Variants in DCP1A observed in about 807,000 individuals in gnomAD.
DCP1A encodes the protein decapping mRNA 1A.
DCP1A carries 20 observed loss-of-function variants against 58.0 expected under a neutral mutation model. That is an observed-to-expected ratio of 0.34 (90% CI 0.24 to 0.50). The LOEUF (loss-of-function observed/expected upper bound fraction) is 0.50. DCP1A is among the 20% of genes least tolerant of loss of function. DCP1A has a pLI of 0.98. For missense variants in DCP1A, 613 were observed against 712.2 expected (o/e 0.86, Z 1.59); for synonymous variants, 285 against 275.1 (o/e 1.04, Z -0.36).
At chr3:53,289,333 G>A (rs376381275) in intron 8 of DCP1A, among the ~76,000 whole-genome samples, 37 of 151,300 alleles carry the variant, frequency 2.4e-4, no homozygotes, top group African/African-American at 8.5e-4. Flanking sequence ...AATTATGGCC[G>A]GGAGTGGTGG....
rs1222945780 is a variant in DCP1A at position 53,300,456 on chromosome 3, G to T, written c.624+3721C>A. The stretch of plus-strand genomic sequence containing the variant: ...GGGTTCAAGCGATTCTCCTGCCTCA[G>T]CCTCTCAAGTAGCTGGGATTACAGG... On this transcript the variant is annotated intron_variant, in intron 6 of 9. Coordinates refer to ENST00000610213, the MANE Select transcript of DCP1A (RefSeq NM_018403.7). Among the ~76,000 whole-genome samples, 3 of 151,640 alleles carry T rather than the reference G, an allele frequency of 2.0e-5. No homozygotes were observed. In the East Asian group the frequency reaches 5.9e-4, roughly 30 times the overall value.
intron 3 of DCP1A, among the ~76,000 whole-genome samples, chr3:53,323,124 G>A (rs1404559877): frequency 6.6e-6 from 1 of 152,118 alleles, no homozygotes; most frequent in African/African-American, 2.4e-5. Context: ...GCGCCCGGCC[G>A]AGTTTCCCAT....
intron 3 of DCP1A, among the ~76,000 whole-genome samples, chr3:53,327,992 G>A (rs989059243): frequency 5.3e-5 from 8 of 151,674 alleles, no homozygotes; most frequent in African/African-American, 1.2e-4. Context: ...GCATGGTGGC[G>A]TGTGCCTGTA....
chr3:53,284,302 T>C lies in DCP1A; in HGVS notation c.*3278A>G, dbSNP rs533067821. On this transcript the variant is annotated 3_prime_UTR_variant, in exon 10 of 10. Transcript: ENST00000610213. ...TAGTAATACAATGGCAGTTAGGGCCTCTACTATGGAAATGAGAAAATTTCA... is the reference window on the plus strand; with the variant it reads ...TAGTAATACAATGGCAGTTAGGGCCCCTACTATGGAAATGAGAAAATTTCA... 11 of 152,268 alleles carry C rather than the reference T, an allele frequency of 7.2e-5. 1 individual carries two copies. In the South Asian group the frequency reaches 1.9e-3, roughly 26 times the overall value. 9.4% of individuals were successfully genotyped at this position (152,268 alleles called of 1,614,324 possible).
chr3:53,324,436 C>G (rs1708056701), intron 3 of DCP1A, among the ~76,000 whole-genome samples: 1 of 152,220 alleles, frequency 6.6e-6, no homozygotes, highest in South Asian at 2.1e-4. Context: ...CAGAGGACCT[C>G]CCCTTTAAAC....
intron 6 of DCP1A, among the ~76,000 whole-genome samples, chr3:53,296,743 T>C (rs1047057818): frequency 2.0e-5 from 3 of 152,242 alleles, no homozygotes; most frequent in Non-Finnish European, 4.4e-5. Context: ...TTCCAATGCA[T>C]GTATATATGA....
At chr3:53,327,727 G>A (rs1708150193) in intron 3 of DCP1A, among the ~76,000 whole-genome samples, 1 of 151,802 alleles carries the variant, frequency 6.6e-6, no homozygotes, top group Non-Finnish European at 1.5e-5. Context: ...GGAGGCAGAG[G>A]TTGCGGTGAG....
chr3:53,319,580 C>G (rs1419079437), intron 3 of DCP1A, 107 bp from the exon 4 acceptor site: 7 of 653,928 alleles, frequency 1.1e-5, no homozygotes, highest in African/African-American at 7.3e-5. Flanking sequence ...TACCATCAGA[C>G]CCTCAAATTG....
intron 4 of DCP1A, among the ~76,000 whole-genome samples, chr3:53,315,460 C>G (rs1474842328): frequency 6.7e-6 from 1 of 149,684 alleles, no homozygotes; most frequent in African/African-American, 2.5e-5. Context: ...ACTGCTTGAA[C>G]CCAGGAGGGC....
chr3:53,294,629 AC>A (rs1299659151), intron 6 of DCP1A, among the ~76,000 whole-genome samples: 6 of 152,228 alleles, frequency 3.9e-5, no homozygotes, highest in Admixed American at 1.3e-4. Flanking sequence ...CTGCAGCGAC[AC>A]AGCTGTGATG....
chr3:53,305,349 T>C (rs74753949), intron 5 of DCP1A, among the ~76,000 whole-genome samples: 8 of 115,204 alleles, frequency 6.9e-5, no homozygotes, highest in East Asian at 4.5e-4. Flanking sequence ...ACAAAAATTT[T>C]TTTTTCTTTT....
chr3:53,287,957 C>T, intron 9 of DCP1A, 108 bp downstream of exon 9: 1 of 1,158,936 alleles, frequency 8.6e-7, no homozygotes, highest in Non-Finnish European at 1.2e-6. Flanking sequence ...GCCTGGCCTC[C>T]AGCTAGTCTT....
chr3:53,323,786 C>T (rs782597923), intron 3 of DCP1A, among the ~76,000 whole-genome samples: 5 of 146,956 alleles, frequency 3.4e-5, no homozygotes, highest in African/African-American at 1.0e-4. Flanking sequence ...TGCTTAAACC[C>T]GGGAGGCAGA....
At chr3:53,304,865 G>C (rs564632475) in intron 5 of DCP1A, among the ~76,000 whole-genome samples, 133 of 152,176 alleles carry the variant, frequency 8.7e-4, no homozygotes, top group African/African-American at 3.1e-3. Flanking sequence ...TTATGGGTGT[G>C]AGCCACTGTG....
At chr3:53,346,626 AAC>A (rs1553693164) in intron 1 of DCP1A, among the ~76,000 whole-genome samples, 1 of 152,224 alleles carries the variant, frequency 6.6e-6, no homozygotes, top group East Asian at 1.9e-4. Flanking sequence ...AGAATCAGTG[AAC>A]ACACTGAATG....
chr3:53,324,875 TAAA>T, intron 3 of DCP1A, among the ~76,000 whole-genome samples: 1 of 140,066 alleles, frequency 7.1e-6, no homozygotes, highest in East Asian at 2.1e-4. Context: ...ATTTGTTAAC[TAAA>T]AAAAAAAAAG....
At chr3:53,309,759 T>G (rs891420746) in intron 5 of DCP1A, among the ~76,000 whole-genome samples, 1 of 152,166 alleles carries the variant, frequency 6.6e-6, no homozygotes, top group Admixed American at 6.5e-5. Flanking sequence ...AGAGACCCTG[T>G]CTGAAAAAAG....
rs1706545488 is a variant in DCP1A at position 53,284,348 on chromosome 3, G to A, written c.*3232C>T. 6.6e-6 allele frequency: 1 copy of A among 152,112 alleles called. No individual in the cohort carries two copies. Among genetic ancestry groups the A allele is most frequent in the African/African-American group, 2.4e-5 (1 of 41,420 alleles). The allele number at this position is 152,112 out of a possible 1,614,324, so 9.4% of individuals were successfully genotyped here. A position where few individuals can be genotyped will look rare whatever the true frequency, so the allele number is the denominator to read the frequency against. ...TTTCAAACTACATTCTTTGGGGGAG[G>A]AGAGTAATAAAGCTGCATGGTTTAA... On this transcript the variant is annotated 3_prime_UTR_variant, in exon 10 of 10. Coordinates refer to ENST00000610213, the MANE Select transcript of DCP1A (RefSeq NM_018403.7).
intron 8 of DCP1A, 170 bp from the exon 9 acceptor site, chr3:53,288,453 G>C (rs976212081): frequency 3.3e-6 from 2 of 601,832 alleles, no homozygotes; most frequent in Admixed American, 3.0e-5. Context: ...CTGACATCTG[G>C]TTATAAACTT....
Sources: gnomAD v4.1 joint callset for allele counts (sites outside exome capture counted in the v4.1 genomes callset) on GRCh38, gnomAD v4.1.1 for gene constraint, MANE v1.5 for transcripts, NCBI Gene and HGNC (gene_info 2026-07-23, HGNC 2026-07-21) for gene names.